Variants in NLRP4 observed in about 807,000 individuals in gnomAD.
The protein encoded by NLRP4 is NACHT, LRR and PYD domains-containing protein 4.
A neutral mutation model predicts 84.7 loss-of-function variants in NLRP4; 44 were observed. That is an observed-to-expected ratio of 0.52 (90% CI 0.41 to 0.67). The LOEUF is 0.67. Among genes scored for constraint, NLRP4 ranks in the 30% least tolerant of loss-of-function variants. NLRP4 has a pLI of 0.00. For synonymous variants in NLRP4, 544 were observed against 476.4 expected, an observed-to-expected ratio of 1.14 and a Z score of -1.85; for missense variants, 1,260 against 1,219.4, an observed-to-expected ratio of 1.03 and a Z score of -0.50.
At chr19:55,854,058 C>T (rs1294932216) in intron 2 of NLRP4, among the ~76,000 whole-genome samples, 1 of 152,086 alleles carries the variant, frequency 6.6e-6, no homozygotes, top group Non-Finnish European at 1.5e-5. Flanking sequence ...CAGCTTCCAC[C>T]TCCTGGGTTC....
Position 55,852,019 on chromosome 19 carries a change from T to G in NLRP4, c.-62T>G, listed in dbSNP as rs1028967266. ...CACTGTCCTGAATTTTCTACAGGTT[T>G]TATTTATTTATTGTTCCTGGTCACT... On this transcript the variant is annotated 5_prime_UTR_variant, in exon 2 of 10. Coordinates refer to ENST00000301295, the MANE Select transcript of NLRP4 (RefSeq NM_134444.5). 10 of 1,253,058 alleles carry G rather than the reference T, an allele frequency of 8.0e-6. No individual in the cohort carries two copies. The African/African-American group carries it at 1.5e-4, about 19-fold the overall frequency. The allele number at this position is 1,253,058 out of a possible 1,614,324, so 77.6% of individuals were successfully genotyped here.
chr19:55,846,704 C>T (rs990833036), intron 1 of NLRP4, among the ~76,000 whole-genome samples: 7 of 152,112 alleles, frequency 4.6e-5, no homozygotes, highest in Admixed American at 4.6e-4. Context: ...ATTTGCATAG[C>T]AAGTTACCAG....
At chr19:55,859,600 C>A (rs979705967) in intron 3 of NLRP4, among the ~76,000 whole-genome samples, 1 of 152,108 alleles carries the variant, frequency 6.6e-6, no homozygotes, top group Non-Finnish European at 1.5e-5. Context: ...GTCTTGACCT[C>A]TCAGCTGCAA....
At chr19:55,863,030 G>T (rs1313086087) in intron 5 of NLRP4, among the ~76,000 whole-genome samples, 3 of 152,202 alleles carry the variant, frequency 2.0e-5, no homozygotes, top group South Asian at 2.1e-4. Flanking sequence ...TGAAAGACAG[G>T]CACTAAAGCA....
intron 6 of NLRP4, among the ~76,000 whole-genome samples, chr19:55,868,105 CT>C (rs1985032182): frequency 6.6e-6 from 1 of 152,158 alleles, no homozygotes; most frequent in African/African-American, 2.4e-5. Context: ...TCTTAGAGGT[CT>C]TATGGCTATC....
At chr19:55,869,554 T>C (rs1985093886) in intron 6 of NLRP4, among the ~76,000 whole-genome samples, 1 of 152,136 alleles carries the variant, frequency 6.6e-6, no homozygotes, top group African/African-American at 2.4e-5. Context: ...CATGTGGGAA[T>C]GCGGCTCATT....
Position 55,881,608 on chromosome 19 carries a change from G to T in NLRP4, c.*21G>T. ...TCTGATTGCGAGGAACCTGGGCTCT[G>T]ACTCGAACACCTGCAAAGGACAGGG... On this transcript the variant is annotated 3_prime_UTR_variant, in exon 10 of 10. Transcript: ENST00000301295. The T allele has an allele frequency of 8.5e-7, 1 of 1,178,284 alleles. No homozygotes were observed. The highest frequency in any genetic ancestry group is 1.3e-6 in the Non-Finnish European group (1 of 788,872). The allele number at this position is 1,178,284 out of a possible 1,614,324, so 73.0% of individuals were successfully genotyped here. A position where few individuals can be genotyped will look rare whatever the true frequency, so the allele number is the denominator to read the frequency against.
intron 1 of NLRP4, among the ~76,000 whole-genome samples, chr19:55,848,014 C>A (rs546697995): frequency 6.6e-6 from 1 of 152,118 alleles, no homozygotes; most frequent in Non-Finnish European, 1.5e-5. Flanking sequence ...TGCACCTGGC[C>A]CCTAATATCC....
At chr19:55,843,375 AT>A (rs930108912) in intron 1 of NLRP4, among the ~76,000 whole-genome samples, 153 of 151,026 alleles carry the variant, frequency 1.0e-3, no homozygotes, top group African/African-American at 3.4e-3. Flanking sequence ...TAGTAGATTG[AT>A]TTTTTTTTCA....
At chr19:55,860,944 C>G (rs1984725635) in intron 3 of NLRP4, among the ~76,000 whole-genome samples, 1 of 151,970 alleles carries the variant, frequency 6.6e-6, no homozygotes, top group South Asian at 2.1e-4. Context: ...TGCCATTGCA[C>G]TCCAGCCTGG....
Position 55,867,778 on chromosome 19 carries a change from G to A in NLRP4, c.2256G>A (p.Lys752=), listed in dbSNP as rs375537193. Residue 752 remains lysine (K), a synonymous_variant, in exon 6 of 10, where the codon AAG becomes AAA. Coordinates refer to ENST00000301295, the MANE Select transcript of NLRP4 (RefSeq NM_134444.5). Reference sequence around the variant, plus strand: ...CTGGCCTTCTAACCAACAACAAGAAGCTGACGTATCTGAATGTATCCTGCA... The same window carrying A: ...CTGGCCTTCTAACCAACAACAAGAAACTGACGTATCTGAATGTATCCTGCA... ...VLAGLLTNNK[K]LTYLNVSCNQ... is the part of the protein sequence containing the mutation. 4.4e-5 allele frequency: 71 copies of A among 1,614,022 alleles called. No homozygotes were observed. The highest frequency in any genetic ancestry group is 7.6e-6 in the Non-Finnish European group (9 of 1,179,974).
intron 2 of NLRP4, among the ~76,000 whole-genome samples, chr19:55,856,766 G>A (rs1011401723): frequency 6.6e-6 from 1 of 151,808 alleles, no homozygotes; most frequent in Non-Finnish European, 1.5e-5. Flanking sequence ...TGCCCACCTT[G>A]GCCTCCCAAA....
chr19:55,861,571 T>G, intron 4 of NLRP4, 24 bp downstream of exon 4: 2 of 1,608,522 alleles, frequency 1.2e-6, no homozygotes, highest in Non-Finnish European at 1.7e-6. Context: ...CGACTTCGAC[T>G]CGAGTATGTC....
At position 55,867,800 on chromosome 19, in the gene NLRP4, T is replaced by C. The variant is rs771203073; in HGVS notation, c.2278T>C (p.Cys760Arg). 3.7e-6 allele frequency: 6 copies of C among 1,614,100 alleles called. No homozygotes were observed. The Admixed American group carries it at 5.0e-5, about 13-fold the overall frequency. ...NKKLTYLNVS[C>R]NQLDTGVPLL... ...GAAGCTGACGTATCTGAATGTATCC[T>C]GCAACCAGTTAGACACAGGCGTGCC... Residue 760 changes from cysteine (C) to arginine (R), a missense_variant, in exon 6 of 10, where the codon TGC becomes CGC. Physicochemically the swap from Cys to Arg is radical, Grantham distance 180. Transcript: ENST00000301295.
chr19:55,853,410 T>C (rs965116237), intron 2 of NLRP4, among the ~76,000 whole-genome samples: 1 of 152,030 alleles, frequency 6.6e-6, no homozygotes, highest in African/African-American at 2.4e-5. Flanking sequence ...CTTGTTTGTT[T>C]GACACAGGGT....
chr19:55,837,780 A>C (rs1460578433), intron 1 of NLRP4, among the ~76,000 whole-genome samples: 1 of 152,114 alleles, frequency 6.6e-6, no homozygotes, highest in African/African-American at 2.4e-5. Context: ...TCATGCCTGT[A>C]ACACCAGCAC....
chr19:55,850,939 G>A (rs1984099088), intron 1 of NLRP4, among the ~76,000 whole-genome samples: 1 of 95,878 alleles, frequency 1.0e-5, no homozygotes, highest in Admixed American at 9.9e-5. Flanking sequence ...CCGTGGCTGC[G>A]GTGTAATGTC....
At chr19:55,859,484 G>A (rs1179500442) in intron 3 of NLRP4, among the ~76,000 whole-genome samples, 1 of 152,190 alleles carries the variant, frequency 6.6e-6, no homozygotes, top group African/African-American at 2.4e-5. Flanking sequence ...TAATTGTATT[G>A]TGAGGAGTGA....
In NLRP4 at chr19:55,848,390, T is replaced by C. The variant is rs1983881086; in HGVS notation, c.-65-3626T>C. 2.0e-5 allele frequency among the ~76,000 whole-genome samples: 3 copies of C among 151,950 alleles called. No homozygotes were observed. In the South Asian group the frequency reaches 6.2e-4, roughly 31 times the overall value. On this transcript the variant is annotated intron_variant, in intron 1 of 9. Coordinates refer to ENST00000301295, the MANE Select transcript of NLRP4 (RefSeq NM_134444.5). ...TATACTATAGTATTGTATACTATAC[T>C]ATACGATACTATAGCATACTATACT...
Sources: gnomAD v4.1 joint callset for allele counts (sites outside exome capture counted in the v4.1 genomes callset) on GRCh38, gnomAD v4.1.1 for gene constraint, MANE v1.5 for transcripts, NCBI Gene and HGNC (gene_info 2026-07-23, HGNC 2026-07-21) for gene names.